GLI3: variants seen among roughly 807,000 people sequenced by gnomAD.
GLI3 encodes GLI family zinc finger 3, also known as transcription activator GLI3.
GLI3 carries 20 observed loss-of-function variants against 100.8 expected under a neutral mutation model. That is an observed-to-expected ratio of 0.20 (90% confidence interval 0.14 to 0.29). The LOEUF is 0.29. Ranked by LOEUF, GLI3 falls within the 10% of genes least tolerant of loss-of-function variation. GLI3 has a pLI of 1.00. For missense variants in GLI3, 2,040 were observed against 2,128.5 expected, an observed-to-expected ratio of 0.96 and a Z score of 0.82; for synonymous variants, 938 against 860.5, an observed-to-expected ratio of 1.09 and a Z score of -1.58.
chr7:42,129,685 C>T (rs189257913), intron 3 of GLI3, among the ~76,000 whole-genome samples: 194 of 152,240 alleles, frequency 1.3e-3, no homozygotes, highest in Non-Finnish European at 2.2e-3. Flanking sequence ...GTGGCGGGCG[C>T]CTGTAATCTC....
At chr7:41,985,002 G>A (rs1583756589) in intron 10 of GLI3, among the ~76,000 whole-genome samples, 1 of 152,332 alleles carries the variant, frequency 6.6e-6, no homozygotes, top group East Asian at 1.9e-4. Context: ...GGCTTAGAAA[G>A]CAGTGTGTTC....
At chr7:42,002,071 C>T (rs2128722136) in intron 10 of GLI3, among the ~76,000 whole-genome samples, 1 of 151,394 alleles carries the variant, frequency 6.6e-6, no homozygotes, top group South Asian at 2.1e-4. Context: ...CACACACACA[C>T]ACACACGCAC....
intron 2 of GLI3, among the ~76,000 whole-genome samples, chr7:42,192,670 T>G (rs991597208): frequency 6.6e-6 from 1 of 152,220 alleles, no homozygotes; most frequent in Non-Finnish European, 1.5e-5. Context: ...CAACATTCTT[T>G]CTTCTGTTGA....
intron 7 of GLI3, among the ~76,000 whole-genome samples, chr7:42,035,863 C>T (rs1431900888): frequency 6.6e-6 from 1 of 152,162 alleles, no homozygotes; most frequent in Non-Finnish European, 1.5e-5. Flanking sequence ...TATAAATTAT[C>T]TAGTCTTAGA....
chr7:41,979,159 C>T (rs1787587682), intron 10 of GLI3, among the ~76,000 whole-genome samples: 1 of 152,214 alleles, frequency 6.6e-6, no homozygotes, highest in Non-Finnish European at 1.5e-5. Context: ...CAGAGATGTT[C>T]TCCAACTCTC....
Position 41,964,527 on chromosome 7 carries a change from A to T in GLI3, c.4546T>A (p.Ser1516Thr). 6.2e-7 allele frequency: 1 copy of T among 1,613,790 alleles called. No individual in the cohort carries two copies. The highest frequency in any genetic ancestry group is 8.5e-7 in the Non-Finnish European group (1 of 1,179,692). ...CTCAGGGCCCCCGACATCAGGCTGG[A>T]GTGGTCCCCATCGTCTATGATGGCA... ...FDAIIDDGDH[S>T]SLMSGALSPS... Residue 1516 changes from serine (S) to threonine (T), a missense_variant, in exon 15 of 15, where the codon TCC (serine) becomes ACC (threonine). By Grantham distance (58) the Ser-to-Thr change is moderately conservative. Around this residue, in one of 5 missense-constraint regions of GLI3, gnomAD observed 1,041 missense variants for 924.0 expected, o/e 1.13. Coordinates refer to ENST00000395925, the MANE Select transcript of GLI3 (RefSeq NM_000168.6).
In GLI3 at chr7:42,150,328, AAT is replaced by A. The variant is rs1342161827; in HGVS notation, c.125-1862_125-1861del. The A allele has an allele frequency of 2.0e-5, 3 of 152,226 alleles. No individual in the cohort carries two copies. The East Asian group carries it at 5.8e-4, about 29-fold the overall frequency. 9.4% of individuals were successfully genotyped at this position (152,226 alleles called of 1,614,324 possible). On this transcript the variant is annotated intron_variant, in intron 2 of 14. Coordinates refer to ENST00000395925, the MANE Select transcript of GLI3 (RefSeq NM_000168.6). ...TACATTTTTATTTTCCCCTCTAACT[AAT>A]ATTTTTAGGCAGTAGGTCACCCTTG...
At position 42,042,179 on chromosome 7, in the gene GLI3, A is replaced by AT. The variant is rs796328220; in HGVS notation, c.827-1941dup. On this transcript the variant is annotated intron_variant, in intron 6 of 14. Coordinates refer to ENST00000395925, the MANE Select transcript of GLI3 (RefSeq NM_000168.6). ...AGACACACACCACCACGCCCGGATA[A>AT]TTTTTTTTTATTTTTAGCAGAGACG... 7.7e-4 allele frequency among the ~76,000 whole-genome samples: 117 copies of AT among 151,392 alleles called. 1 individual carries two copies. The highest frequency in any genetic ancestry group is 2.3e-3 in the African/African-American group (96 of 41,272).
intron 10 of GLI3, among the ~76,000 whole-genome samples, chr7:41,998,281 T>C (rs1291323200): frequency 6.6e-6 from 1 of 152,200 alleles, no homozygotes; most frequent in African/African-American, 2.4e-5. Context: ...ATTCCAAGCA[T>C]GTGACAGAGA....
chr7:41,977,139 G>A (rs1360424979), intron 12 of GLI3, among the ~76,000 whole-genome samples: 1 of 152,202 alleles, frequency 6.6e-6, no homozygotes, highest in Non-Finnish European at 1.5e-5. Context: ...GCAAATAAAA[G>A]TGGATGACTT....
intron 12 of GLI3, among the ~76,000 whole-genome samples, chr7:41,973,611 A>G (rs1386019844): frequency 1.3e-5 from 2 of 152,220 alleles, no homozygotes; most frequent in Admixed American, 6.5e-5. Flanking sequence ...ATATATATTT[A>G]TATCTATGTA....
At position 42,171,215 on chromosome 7, in the gene GLI3, CT is replaced by C. The variant is rs570114981; in HGVS notation, c.125-22748del. Among the ~76,000 whole-genome samples the C allele has an allele frequency of 9.9e-5, 15 of 152,246 alleles. 1 individual carries two copies. The South Asian group carries it at 3.1e-3, about 32-fold the overall frequency. On this transcript the variant is annotated intron_variant, in intron 2 of 14. Transcript: ENST00000395925. ...TCTGTATGAGATGTGATTTCATGGC[CT>C]TTTCTATCATACAAGTCCACTGTCA...
intron 2 of GLI3, among the ~76,000 whole-genome samples, chr7:42,186,488 T>C (rs1787718721): frequency 6.6e-6 from 1 of 152,148 alleles, no homozygotes; most frequent in Non-Finnish European, 1.5e-5. Context: ...CAAGATCATG[T>C]GCTCACAAGA....
intron 2 of GLI3, among the ~76,000 whole-genome samples, chr7:42,179,009 G>T (rs760776147): frequency 1.2e-4 from 18 of 152,152 alleles, no homozygotes; most frequent in Non-Finnish European, 2.2e-4. Flanking sequence ...CAGTATGGCT[G>T]GTGATATGGT....
intron 6 of GLI3, among the ~76,000 whole-genome samples, chr7:42,042,743 T>C (rs569107624): frequency 3.7e-4 from 56 of 152,312 alleles, no homozygotes; most frequent in African/African-American, 1.3e-3. Flanking sequence ...ATGAAACCCT[T>C]TGGCTTGCTC....
At position 41,964,923 on chromosome 7, in the gene GLI3, G is replaced by C. The variant is rs757957544; in HGVS notation, c.4150C>G (p.Gln1384Glu). The C allele has an allele frequency of 6.8e-6, 11 of 1,613,726 alleles. No homozygotes were observed. Among genetic ancestry groups the C allele is most frequent in the Non-Finnish European group, 9.3e-6 (11 of 1,180,026 alleles). The change falls in exon 15 of 15, where the codon CAG becomes GAG. Residue 1384 changes from glutamine (Q) to glutamate (E), a missense_variant. Physicochemically the swap from Gln to Glu is conservative, Grantham distance 29. Transcript: ENST00000395925. The stretch of plus-strand genomic sequence containing the variant: ...CTGCCCCCAAAGCTGGCACATGGCT[G>C]GTAGCCCCTGACAACTGCCAAGCTT... ...PSSLAVVRGY[Q>E]PCASFGGSRR...
chr7:41,964,594 G>T lies in GLI3; in HGVS notation c.4479C>A (p.Ser1493Arg). Residue 1493 changes from serine (S) to arginine (R), a missense_variant, in exon 15 of 15, where the codon AGC (serine) becomes AGA (arginine). By Grantham distance (110) the Ser-to-Arg change is moderately radical. Around this residue, in one of 5 missense-constraint regions of GLI3, gnomAD observed 1,041 missense variants for 924.0 expected, o/e 1.13. Transcript: ENST00000395925. Reference protein sequence around the residue: ...GANQVTSTVDSLDSHDLEGVQ... With the variant: ...GANQVTSTVDRLDSHDLEGVQ... ...CCCCTTCCAGGTCATGGCTGTCGAG[G>T]CTGTCCACTGTGCTTGTCACCTGAT... 4.3e-6 allele frequency: 7 copies of T among 1,614,108 alleles called. No homozygotes were observed. The highest frequency in any genetic ancestry group is 5.9e-6 in the Non-Finnish European group (7 of 1,179,940).
intron 3 of GLI3, among the ~76,000 whole-genome samples, chr7:42,090,642 T>G (rs1243983888): frequency 6.6e-6 from 1 of 152,188 alleles, no homozygotes; most frequent in South Asian, 2.1e-4. Context: ...GGAAGAGTCC[T>G]CCATATCTCT....
intron 10 of GLI3, among the ~76,000 whole-genome samples, chr7:42,005,611 T>C (rs1788439479): frequency 6.6e-6 from 1 of 152,016 alleles, no homozygotes; most frequent in South Asian, 2.1e-4. Flanking sequence ...CTCCCTAGAA[T>C]ACAGCCCAGG....
Sources: allele counts gnomAD v4.1 joint callset (sites outside exome capture counted in the v4.1 genomes callset), GRCh38; gene constraint gnomAD v4.1.1; regional missense constraint gnomAD v4.1.1; transcripts MANE v1.5; gene names NCBI Gene and HGNC (gene_info 2026-07-23, HGNC 2026-07-21).